PDXDC1: variants seen among roughly 807,000 people sequenced by gnomAD.
PDXDC1 encodes pyridoxal-dependent decarboxylase domain-containing protein 1.
In PDXDC1, 42 loss-of-function variants were observed where a neutral mutation model predicts 100.1. The observed-to-expected ratio is 0.42, with a 90% confidence interval of 0.33 to 0.54. The LOEUF (loss-of-function observed/expected upper bound fraction) is 0.54. PDXDC1 is among the 20% of genes least tolerant of loss of function. The probability of loss-of-function intolerance (pLI) is 0.10; values close to 1 mark genes in which losing one functional copy is unlikely to be tolerated. For missense variants in PDXDC1, 636 were observed against 979.2 expected, an observed-to-expected ratio of 0.65 and a Z score of 4.68; for synonymous variants, 260 against 371.7, an observed-to-expected ratio of 0.70 and a Z score of 3.46.
At chr16:15,111,756 CAAAAAAAA>C (rs1202549941) in intron 16 of PDXDC1, among the ~76,000 whole-genome samples, 1 of 58,604 alleles carries the variant, frequency 1.7e-5, no homozygotes, top group Admixed American at 2.4e-4. Flanking sequence ...GACTCCGTCT[CAAAAAAAA>C]AAAAAAAAAA....
intron 16 of PDXDC1, among the ~76,000 whole-genome samples, chr16:15,031,513 C>G (rs1005861479): frequency 2.0e-5 from 3 of 152,184 alleles, no homozygotes. Flanking sequence ...TGGGCCACAT[C>G]TGTGAGAGAA....
chr16:15,097,130 T>C (rs751188565), intron 16 of PDXDC1, among the ~76,000 whole-genome samples: 3 of 151,912 alleles, frequency 2.0e-5, no homozygotes, highest in Admixed American at 6.6e-5. Flanking sequence ...TACCCAGGCA[T>C]GGTGGCACGT....
chr16:15,088,445 G>A (rs2045994112), intron 16 of PDXDC1, among the ~76,000 whole-genome samples: 1 of 152,130 alleles, frequency 6.6e-6, no homozygotes, highest in Non-Finnish European at 1.5e-5. Flanking sequence ...TCCAGCCCGG[G>A]TGACAGAGCA....
At chr16:15,090,505 G>A (rs1049515468) in intron 16 of PDXDC1, among the ~76,000 whole-genome samples, 1 of 152,196 alleles carries the variant, frequency 6.6e-6, no homozygotes, top group Non-Finnish European at 1.5e-5. Flanking sequence ...AGGCTGAAGA[G>A]AAAGGATCAT....
downstream of PDXDC1, among the ~76,000 whole-genome samples, chr16:15,139,674 G>C (rs1009441900): frequency 5.3e-5 from 8 of 152,008 alleles, no homozygotes; most frequent in Non-Finnish European, 1.0e-4. Flanking sequence ...CCAACTACTC[G>C]GGGGGCTGAG....
chr16:15,128,435 C>A (rs2047872513), intron 16 of PDXDC1: 1 of 1,094,198 alleles, frequency 9.1e-7, no homozygotes, highest in Admixed American at 1.9e-5. Flanking sequence ...TGCTGCCCAA[C>A]ACGTGTGGCA....
At chr16:14,976,932 G>T (rs1256945193) in intron 1 of PDXDC1, 2 of 152,300 alleles carry the variant, frequency 1.3e-5, no homozygotes, top group Non-Finnish European at 2.9e-5. Context: ...GATTGTAATT[G>T]GAATCCTGAA....
chr16:15,059,252 G>A (rs1373574703), intron 16 of PDXDC1, among the ~76,000 whole-genome samples: 2 of 152,170 alleles, frequency 1.3e-5, no homozygotes, highest in Non-Finnish European at 2.9e-5. Context: ...GGCACAGCCA[G>A]GGTTAAGAAC....
intron 1 of PDXDC1, among the ~76,000 whole-genome samples, chr16:14,982,083 G>C (rs1247449128): frequency 1.3e-5 from 2 of 152,284 alleles, no homozygotes; most frequent in African/African-American, 4.8e-5. Context: ...ACTGCACCCG[G>C]CCTATTTTTG....
At chr16:15,135,260 G>A (rs1489077691) in intron 16 of PDXDC1, 26 of 1,031,588 alleles carry the variant, frequency 2.5e-5, no homozygotes, top group African/African-American at 1.8e-4. Flanking sequence ...GCAAGTGGCC[G>A]AGGGGCGGGC....
At chr16:15,056,032 GGCCGCCCGCCGCCCCC>G in intron 16 of PDXDC1, 1 of 823,644 alleles carries the variant, frequency 1.2e-6, no homozygotes, top group Non-Finnish European at 1.5e-6. Flanking sequence ...TGCAGCCCCG[GGCCGCCCGCCGCCCCC>G]GCCCCTCGGG....
chr16:15,077,924 C>G (rs780102005), intron 16 of PDXDC1, among the ~76,000 whole-genome samples: 2 of 152,180 alleles, frequency 1.3e-5, no homozygotes, highest in Non-Finnish European at 2.9e-5. Context: ...AATACAATCT[C>G]TATGCACAAG....
chr16:15,114,895 TAAC>T (rs1380147924), intron 16 of PDXDC1, among the ~76,000 whole-genome samples: 2 of 136,504 alleles, frequency 1.5e-5, no homozygotes, highest in African/African-American at 5.3e-5. Context: ...ACACTAACAC[TAAC>T]AATAGCTGAT....
downstream of PDXDC1, chr16:15,041,703 G>A (rs374878101): frequency 1.2e-5 from 19 of 1,558,558 alleles, no homozygotes; most frequent in South Asian, 3.3e-5. Context: ...AAGACCAGAA[G>A]TCAGAAAAGT....
chr16:15,035,587 A>C, intron 22 of PDXDC1, 34 bp downstream of exon 22: 1 of 1,342,322 alleles, frequency 7.4e-7, no homozygotes, highest in Non-Finnish European at 1.0e-6. Context: ...TTCAGGTAAC[A>C]GGTTTCCCCT....
At chr16:15,049,094 A>G (rs1277276299) in intron 16 of PDXDC1, among the ~76,000 whole-genome samples, 1 of 148,476 alleles carries the variant, frequency 6.7e-6, no homozygotes, top group Non-Finnish European at 1.5e-5. Flanking sequence ...GGGTCTCCCT[A>G]TGCTCCCCAG....
chr16:15,068,389 T>C (rs1227477693), intron 16 of PDXDC1: 2 of 1,365,996 alleles, frequency 1.5e-6, no homozygotes, highest in Admixed American at 5.7e-5. Context: ...TAAAAAATTA[T>C]TTGCAGAAAT....
At chr16:15,137,106 A>T in intron 16 of PDXDC1, 1 of 746,646 alleles carries the variant, frequency 1.3e-6, no homozygotes, top group East Asian at 2.7e-5. Context: ...TAGCGATGCG[A>T]GGCAGCCGGC....
At chr16:15,087,374 A>G (rs1367010499) in intron 16 of PDXDC1, among the ~76,000 whole-genome samples, 1 of 152,162 alleles carries the variant, frequency 6.6e-6, no homozygotes, top group Non-Finnish European at 1.5e-5. Context: ...GAGGCTAAGA[A>G]CGATTAATAA....
Sources: allele counts gnomAD v4.1 joint callset (sites outside exome capture counted in the v4.1 genomes callset), GRCh38; gene constraint gnomAD v4.1.1; transcripts MANE v1.5; gene names NCBI Gene and HGNC (gene_info 2026-07-23, HGNC 2026-07-21).